Variants in NINJ2 observed in about 807,000 individuals in gnomAD.
The protein encoded by NINJ2 is ninjurin-2.
A neutral mutation model predicts 11.7 loss-of-function variants in NINJ2; 12 were observed. The ratio of observed to expected loss-of-function variants is 1.02; its 90% CI spans 0.66 to 1.66. The LOEUF is 1.66. Ranked by LOEUF, NINJ2 falls within the 40% of genes most tolerant of loss-of-function variation. NINJ2 has a pLI of 0.00. For missense variants in NINJ2, 187 were observed against 181.8 expected, an observed-to-expected ratio of 1.03 and a Z score of -0.16; for synonymous variants, 93 against 76.8, an observed-to-expected ratio of 1.21 and a Z score of -1.10.
At position 649,531 on chromosome 12, in the gene NINJ2, G is replaced by GTGTGTATATA. The variant is rs139452771; in HGVS notation, c.33+13796_33+13797insTATATACACA. On this transcript the variant is annotated intron_variant, in intron 1 of 3. Coordinates refer to ENST00000305108, the MANE Select transcript of NINJ2 (RefSeq NM_016533.6). ...AGTGAATATGTGTGTGTGTATATGT[G>GTGTGTATATA]TATATATATATATATATATATAGTA... is the stretch of plus-strand genomic sequence containing the variant. Among the ~76,000 whole-genome samples the GTGTGTATATA allele has an allele frequency of 3.9e-5, 5 of 127,696 alleles. No individual in the cohort carries two copies. In the South Asian group the frequency reaches 1.4e-3, roughly 35 times the overall value. 83.8% of individuals were successfully genotyped at this position (127,696 alleles called of 152,430 possible). A position where few individuals can be genotyped will look rare whatever the true frequency, so the allele number is the denominator to read the frequency against.
chr12:631,860 A>G (rs943540530), intron 1 of NINJ2, among the ~76,000 whole-genome samples: 6 of 152,258 alleles, frequency 3.9e-5, no homozygotes, highest in African/African-American at 1.2e-4. Context: ...GGCTAGATTT[A>G]GGTATAAACA....
intron 1 of NINJ2, chr12:630,883 A>C (rs1948272764): frequency 6.6e-6 from 1 of 152,112 alleles, no homozygotes; most frequent in African/African-American, 2.4e-5. Flanking sequence ...GAGGAGGAAG[A>C]AGGGGTCAGC....
At chr12:651,857 C>T (rs1378326086) in intron 1 of NINJ2, among the ~76,000 whole-genome samples, 2 of 152,182 alleles carry the variant, frequency 1.3e-5, no homozygotes, top group Non-Finnish European at 2.9e-5. Flanking sequence ...AGGAAAGAAT[C>T]TCTGAGCTTA....
intron 2 of NINJ2, 54 bp downstream of exon 2, chr12:565,896 C>G (rs1471126648): frequency 2.0e-6 from 3 of 1,534,896 alleles, no homozygotes; most frequent in South Asian, 2.2e-5. Flanking sequence ...TGGGGCCTTT[C>G]TGCCAGCCAC....
chr12:595,729 G>A (rs921494594), intron 1 of NINJ2, among the ~76,000 whole-genome samples: 3 of 152,054 alleles, frequency 2.0e-5, no homozygotes, highest in African/African-American at 7.2e-5. Flanking sequence ...CTCCAGCCTG[G>A]GCAACAAGAG....
rs191010591 is a variant in NINJ2 at position 579,205 on chromosome 12, G to A, written c.34-13027C>T. 1.7e-3 allele frequency among the ~76,000 whole-genome samples: 265 copies of A among 152,288 alleles called. 2 individuals carry two copies. The highest frequency in any genetic ancestry group is 5.9e-3 in the African/African-American group (245 of 41,560). On this transcript the variant is annotated intron_variant, in intron 1 of 3. Transcript: ENST00000305108. ...GCTGAGCCTGCAGTCTCTGGCTATC[G>A]TCCAGGTGAGACCTCATGAAGTAGA...
chr12:636,601 C>T (rs1461613461), intron 1 of NINJ2, among the ~76,000 whole-genome samples: 8 of 151,838 alleles, frequency 5.3e-5, no homozygotes. Flanking sequence ...AGAAGACACA[C>T]AAATGGCCAA....
intron 1 of NINJ2, among the ~76,000 whole-genome samples, chr12:613,844 G>A (rs1948062071): frequency 6.6e-6 from 1 of 152,198 alleles, no homozygotes; most frequent in African/African-American, 2.4e-5. Context: ...GATGGAGCTT[G>A]CAGTGAGCCG....
intron 1 of NINJ2, among the ~76,000 whole-genome samples, chr12:611,123 G>C (rs1033700703): frequency 1.3e-5 from 2 of 152,138 alleles, no homozygotes; most frequent in Non-Finnish European, 2.9e-5. Context: ...CCTAAGTTAC[G>C]ATAGAGGAAG....
intron 1 of NINJ2, among the ~76,000 whole-genome samples, chr12:590,476 G>C (rs944812173): frequency 6.6e-6 from 1 of 152,178 alleles, no homozygotes; most frequent in African/African-American, 2.4e-5. Context: ...GTCTAAAAAC[G>C]CACCCTCAGC....
intron 1 of NINJ2, among the ~76,000 whole-genome samples, chr12:587,682 C>CTGTGTG (rs1295735281): frequency 2.0e-5 from 3 of 151,966 alleles, no homozygotes. Context: ...CCCGGGGCCT[C>CTGTGTG]TGTGCAGGTG....
chr12:627,799 C>T (rs1948225964), intron 1 of NINJ2, among the ~76,000 whole-genome samples: 1 of 152,214 alleles, frequency 6.6e-6, no homozygotes, highest in Non-Finnish European at 1.5e-5. Flanking sequence ...CCTGTAATCC[C>T]TGGGCACAGT....
At chr12:612,266 G>A (rs1948041938) in intron 1 of NINJ2, among the ~76,000 whole-genome samples, 1 of 152,144 alleles carries the variant, frequency 6.6e-6, no homozygotes, top group Non-Finnish European at 1.5e-5. Flanking sequence ...TTATTATTTG[G>A]CGTCTTGCGT....
chr12:596,479 A>T (rs1282395240), intron 1 of NINJ2, among the ~76,000 whole-genome samples: 3 of 152,168 alleles, frequency 2.0e-5, no homozygotes, highest in African/African-American at 7.2e-5. Flanking sequence ...CAGGAGGCAT[A>T]TGGGGAGTTT....
At chr12:601,881 A>T (rs1947879503) in intron 1 of NINJ2, among the ~76,000 whole-genome samples, 3 of 152,260 alleles carry the variant, frequency 2.0e-5, no homozygotes, top group South Asian at 4.1e-4. Flanking sequence ...CTGTGTCAAA[A>T]AAATAAATAA....
chr12:586,717 G>A (rs1947643856), intron 1 of NINJ2, among the ~76,000 whole-genome samples: 1 of 152,360 alleles, frequency 6.6e-6, no homozygotes, highest in South Asian at 2.1e-4. Context: ...ACTGGGCAGT[G>A]CTGAAACTGG....
intron 1 of NINJ2, among the ~76,000 whole-genome samples, chr12:650,537 A>G (rs1333776221): frequency 6.6e-6 from 1 of 152,068 alleles, no homozygotes; most frequent in Non-Finnish European, 1.5e-5. Context: ...GTCTCTTCCA[A>G]AAATTACAAA....
chr12:568,114 T>C (rs1200916160), intron 1 of NINJ2, among the ~76,000 whole-genome samples: 2 of 152,254 alleles, frequency 1.3e-5, no homozygotes, highest in African/African-American at 2.4e-5. Flanking sequence ...TCAATATATG[T>C]ACATTCTTCC....
intron 1 of NINJ2, among the ~76,000 whole-genome samples, chr12:635,659 G>A (rs1332941055): frequency 6.6e-6 from 1 of 152,190 alleles, no homozygotes; most frequent in African/African-American, 2.4e-5. Context: ...AAATCTTCAT[G>A]ACATTGGACT....
Sources: gnomAD v4.1 joint callset for allele counts (sites outside exome capture counted in the v4.1 genomes callset) on GRCh38, gnomAD v4.1.1 for gene constraint, MANE v1.5 for transcripts, NCBI Gene and HGNC (gene_info 2026-07-23, HGNC 2026-07-21) for gene names.